EDEM2: variants seen among roughly 807,000 people sequenced by gnomAD.
The protein encoded by EDEM2 is ER degradation enhancing alpha-mannosidase like protein 2.
In EDEM2, 39 loss-of-function variants were observed where a neutral mutation model predicts 64.8. The observed-to-expected ratio is 0.60, with a 90% CI of 0.47 to 0.79. The LOEUF is 0.79. EDEM2 is among the 30% of genes least tolerant of loss of function. The pLI, the probability that EDEM2 is intolerant of heterozygous loss-of-function variation, is 0.00. For synonymous variants in EDEM2, 296 were observed against 291.5 expected (o/e 1.02, Z -0.16); for missense variants, 609 against 731.3 (o/e 0.83, Z 1.93).
chr20:35,137,738 G>T (rs1356657282), intron 5 of EDEM2, 142 bp downstream of exon 5: 3 of 1,230,404 alleles, frequency 2.4e-6, no homozygotes, highest in South Asian at 1.5e-5. Flanking sequence ...TGATTTCCAT[G>T]GTGGGTGCCT....
intron 5 of EDEM2, among the ~76,000 whole-genome samples, chr20:35,135,524 G>T (rs945312426): frequency 6.6e-6 from 1 of 152,182 alleles, no homozygotes; most frequent in African/African-American, 2.4e-5. Context: ...GGTGGTGCAC[G>T]CCTGTAATTC....
chr20:35,137,736 A>G, intron 5 of EDEM2, 144 bp downstream of exon 5: 1 of 1,224,688 alleles, frequency 8.2e-7, no homozygotes, highest in Non-Finnish European at 1.1e-6. Context: ...CCTGATTTCC[A>G]TGGTGGGTGC....
chr20:35,136,844 G>T (rs1428664520), intron 5 of EDEM2, among the ~76,000 whole-genome samples: 6 of 151,966 alleles, frequency 3.9e-5, no homozygotes, highest in Non-Finnish European at 7.4e-5. Flanking sequence ...TGACGTGTCT[G>T]GGTGTGAACA....
At position 35,142,411 on chromosome 20, in the gene EDEM2, A is replaced by G; in HGVS notation, c.326T>C (p.Ile109Thr). ...TTCAAACACAGAGGCGTTCACATCAATATCAAAGTCCACGCTGTCCTGGAG... is the reference window on the plus strand; with the variant it reads ...TTCAAACACAGAGGCGTTCACATCAGTATCAAAGTCCACGCTGTCCTGGAG... ...EVLQDSVDFD[I>T]DVNASVFETN... Residue 109 changes from isoleucine to threonine, a missense_variant, in exon 4 of 11, where the codon ATT becomes ACT. By Grantham distance (89) the Ile-to-Thr change is moderately conservative. Transcript: ENST00000374492. The G allele has an allele frequency of 6.2e-7, 1 of 1,614,104 alleles. No homozygotes were observed. Among genetic ancestry groups the G allele is most frequent in the Non-Finnish European group, 8.5e-7 (1 of 1,180,000 alleles).
At chr20:35,138,050 A>AT in intron 4 of EDEM2, 45 bp from the exon 5 acceptor site, 1 of 1,606,312 alleles carries the variant, frequency 6.2e-7, no homozygotes. Flanking sequence ...AAAGGGAAAG[A>AT]CCAAGGGATC....
At chr20:35,135,542 C>A (rs1209433464) in intron 5 of EDEM2, among the ~76,000 whole-genome samples, 1 of 152,140 alleles carries the variant, frequency 6.6e-6, no homozygotes, top group East Asian at 1.9e-4. Context: ...TTCTGGCTAT[C>A]TGGGAGACTG....
chr20:35,141,119 CAAAAAAAAAA>C (rs58702725), intron 4 of EDEM2, among the ~76,000 whole-genome samples: 2 of 29,386 alleles, frequency 6.8e-5, no homozygotes, highest in African/African-American at 2.1e-4. Context: ...GACTCCGCCT[CAAAAAAAAAA>C]AAAAAAAAAA....
intron 4 of EDEM2, among the ~76,000 whole-genome samples, chr20:35,139,473 AC>A (rs35475874): frequency 0.22 from 33,109 of 150,934 alleles, 3,791 homozygotes; most frequent in Middle Eastern, 0.34. Flanking sequence ...ACACGGTGAA[AC>A]CCTGTCTCTA....
At chr20:35,136,769 A>G (rs1019530193) in intron 5 of EDEM2, among the ~76,000 whole-genome samples, 4 of 151,368 alleles carry the variant, frequency 2.6e-5, no homozygotes, top group African/African-American at 9.7e-5. Flanking sequence ...AAAAAAAAAA[A>G]AAAAAATTAA....
intron 8 of EDEM2, among the ~76,000 whole-genome samples, chr20:35,124,401 A>ATT (rs1025099703): frequency 6.6e-6 from 1 of 152,054 alleles, no homozygotes; most frequent in Non-Finnish European, 1.5e-5. Flanking sequence ...AAAGATAACC[A>ATT]TTTTTGTTTT....
rs776026325 is a variant in EDEM2, at chr20:35,132,765, C to T, written c.703-982G>A. 6.6e-5 allele frequency among the ~76,000 whole-genome samples: 10 copies of T among 152,228 alleles called. No individual in the cohort carries two copies. In the East Asian group the frequency reaches 9.7e-4, roughly 15 times the overall value. On this transcript the variant is annotated intron_variant, in intron 6 of 10. Coordinates refer to ENST00000374492, the MANE Select transcript of EDEM2 (RefSeq NM_018217.3). ...GTTGGTCAGGCTGGTCTCGAACTCC[C>T]GACCTCAGGTGATACGCCTGCCTTG...
intron 7 of EDEM2, among the ~76,000 whole-genome samples, chr20:35,126,696 T>C (rs1423598025): frequency 6.6e-6 from 1 of 152,116 alleles, no homozygotes; most frequent in Non-Finnish European, 1.5e-5. Flanking sequence ...GCGGATCACC[T>C]GAGATTGGGA....
intron 8 of EDEM2, among the ~76,000 whole-genome samples, chr20:35,125,657 T>C (rs552730595): frequency 5.5e-4 from 84 of 152,330 alleles, no homozygotes; most frequent in Admixed American, 1.7e-3. Context: ...GCGCTGGGAT[T>C]ATAGGCCTGA....
chr20:35,116,396 A>C (rs2085309730), intron 10 of EDEM2, among the ~76,000 whole-genome samples: 1 of 152,158 alleles, frequency 6.6e-6, no homozygotes, highest in African/African-American at 2.4e-5. Context: ...TAAAAATGCA[A>C]GTCATGACCT....
chr20:35,147,054 T>C, intron 1 of EDEM2, 98 bp downstream of exon 1: 1 of 1,544,212 alleles, frequency 6.5e-7, no homozygotes, highest in Non-Finnish European at 8.8e-7. Context: ...ACCTAGCGGC[T>C]GTGTCGGAGC....
At chr20:35,124,177 T>C in intron 8 of EDEM2, 143 bp from the exon 9 acceptor site, 1 of 1,031,464 alleles carries the variant, frequency 9.7e-7, no homozygotes, top group Non-Finnish European at 1.4e-6. Context: ...AGTGTGGTGC[T>C]GAGCCAGGCA....
At position 35,115,791 on chromosome 20, in the gene EDEM2, G is replaced by A. The variant is rs541452127; in HGVS notation, c.1379C>T (p.Pro460Leu). Residue 460 changes from proline to leucine, a missense_variant, in exon 11 of 11, where the codon CCC (proline) becomes CTC (leucine). Coordinates refer to ENST00000374492, the MANE Select transcript of EDEM2 (RefSeq NM_018217.3). ...NGSTFDAVIT[P>L]YGECILGAGG... ...AGCCCCCAGGATGCACTCCCCATAG[G>A]GGGTGATCACCGCGTCGAAGGTGGA... 4.5e-5 allele frequency: 72 copies of A among 1,613,790 alleles called. No homozygotes were observed. The highest frequency in any genetic ancestry group is 5.9e-5 in the Non-Finnish European group (70 of 1,180,056).
intron 5 of EDEM2, 50 bp downstream of exon 5, chr20:35,137,830 A>G (rs2085598334): frequency 6.3e-7 from 1 of 1,597,126 alleles, no homozygotes; most frequent in Admixed American, 1.8e-5. Context: ...CAGCAAGGGA[A>G]GCAGGACCTA....
In EDEM2 at chr20:35,134,781, A is replaced by T; in HGVS notation, c.659T>A (p.Val220Glu). 1 of 1,613,758 alleles carries T rather than the reference A, an allele frequency of 6.2e-7. No homozygotes were observed. Among genetic ancestry groups the T allele is most frequent in the East Asian group, 2.2e-5 (1 of 44,862 alleles). Residue 220 changes from valine to glutamate, a missense_variant, in exon 6 of 11, where the codon GTG (valine) becomes GAG (glutamate). Val to Glu is a moderately radical substitution (Grantham distance 121, BLOSUM62 -2). Transcript: ENST00000374492. ...GDPVFEDVAR[V>E]ALMRLWESRS... ...GCTCTCCCAGAGGCGCATCAAAGCC[A>T]CTCTGGCCACATCTTCGAACACCGG...
Sources: gnomAD v4.1 joint callset for allele counts (sites outside exome capture counted in the v4.1 genomes callset) on GRCh38, gnomAD v4.1.1 for gene constraint, MANE v1.5 for transcripts, NCBI Gene and HGNC (gene_info 2026-07-23, HGNC 2026-07-21) for gene names.